LRP6: variants seen among roughly 807,000 people sequenced by gnomAD.
The protein encoded by LRP6 is low-density lipoprotein receptor-related protein 6.
A neutral mutation model predicts 184.1 loss-of-function variants in LRP6; 43 were observed. The observed-to-expected ratio is 0.23, with a 90% CI of 0.18 to 0.30. LRP6 has a LOEUF of 0.30. Ranked by LOEUF, LRP6 falls within the 10% of genes least tolerant of loss-of-function variation. The pLI, the probability that LRP6 is intolerant of heterozygous loss-of-function variation, is 1.00. For missense variants in LRP6, 1,571 were observed against 2,005.3 expected (o/e 0.78, Z 4.14); for synonymous variants, 719 against 684.9 (o/e 1.05, Z -0.78).
chr12:12,201,292 A>C (rs1407960331), intron 3 of LRP6, among the ~76,000 whole-genome samples: 1 of 152,004 alleles, frequency 6.6e-6, no homozygotes, highest in Non-Finnish European at 1.5e-5. Flanking sequence ...CTGGATGAGC[A>C]CTCTGGCAGG....
Position 12,147,478 on chromosome 12 carries a change from G to A in LRP6, c.3285C>T (p.Val1095=), listed in dbSNP as rs1950025732. The A allele has an allele frequency of 6.2e-7, 1 of 1,614,084 alleles. No individual in the cohort carries two copies. The highest frequency in any genetic ancestry group is 2.2e-5 in the East Asian group (1 of 44,876). The change falls in exon 15 of 23, where the codon GTC becomes GTT. Residue 1095 remains valine (V), a synonymous_variant. Coordinates refer to ENST00000261349, the MANE Select transcript of LRP6 (RefSeq NM_002336.3). ...RAALDGTERE[V]LFFSGLSKPI... is the part of the protein sequence containing the mutation. ...GTTTACTTAAGCCACTGAAAAAGAG[G>A]ACCTCCCGTTCTGTCCCATCCAAAG... is the stretch of plus-strand genomic sequence containing the variant.
At chr12:12,213,950 GAC>G (rs1864276699) in intron 2 of LRP6, among the ~76,000 whole-genome samples, 1 of 152,064 alleles carries the variant, frequency 6.6e-6, no homozygotes, top group Non-Finnish European at 1.5e-5. Flanking sequence ...ATTAAAGTAA[GAC>G]ACTTTATATA....
intron 2 of LRP6, among the ~76,000 whole-genome samples, chr12:12,226,930 C>T (rs953263245): frequency 1.3e-5 from 2 of 151,966 alleles, no homozygotes; most frequent in African/African-American, 2.4e-5. Flanking sequence ...ACCACAGATC[C>T]AGTCAGCTCA....
At chr12:12,150,543 A>G (rs1277639520) in intron 13 of LRP6, among the ~76,000 whole-genome samples, 1 of 152,196 alleles carries the variant, frequency 6.6e-6, no homozygotes, top group Non-Finnish European at 1.5e-5. Context: ...TACTCCATAC[A>G]ATAGAAATGT....
chr12:12,237,762 C>T (rs921195914), intron 2 of LRP6, among the ~76,000 whole-genome samples: 3 of 152,162 alleles, frequency 2.0e-5, no homozygotes, highest in African/African-American at 7.2e-5. Flanking sequence ...CAAAAATGTC[C>T]AGGTTATGAA....
At chr12:12,167,554 A>G (rs1231746539) in intron 7 of LRP6, among the ~76,000 whole-genome samples, 3 of 151,878 alleles carry the variant, frequency 2.0e-5, no homozygotes, top group African/African-American at 7.3e-5. Flanking sequence ...GAGGCAGGAG[A>G]ATCGCTTGAA....
intron 7 of LRP6, among the ~76,000 whole-genome samples, chr12:12,170,791 TCACACA>T (rs10571241): frequency 0.1 from 14,499 of 142,760 alleles, 1,273 homozygotes; most frequent in African/African-American, 0.24. Context: ...TAAAATTACT[TCACACA>T]CACACACACA....
At chr12:12,155,180 T>C (rs771679374) in intron 12 of LRP6, 1 of 545,538 alleles carries the variant, frequency 1.8e-6, no homozygotes, top group African/African-American at 1.9e-5. Context: ...TGGGTGACAG[T>C]GTGAGACTCT....
intron 7 of LRP6, among the ~76,000 whole-genome samples, chr12:12,169,234 G>GATAATAATAATAATAATA (rs544964479): frequency 9.4e-5 from 14 of 148,702 alleles, no homozygotes; most frequent in Non-Finnish European, 1.8e-4. Context: ...GCCTCAAAAT[G>GATAATAATAATAATAATA]ATAATAATAA....
In LRP6 at chr12:12,244,219, G is replaced by A. The variant is rs781179063; in HGVS notation, c.449+43C>T. ...TGGTGTATGTCAGTGGAGAAAAACC[G>A]AAAGGAGGTATGATGATCTTCGTAC... On this transcript the variant is annotated intron_variant, in intron 2 of 22. Transcript: ENST00000261349. 48 of 1,608,258 alleles carry A rather than the reference G, an allele frequency of 3.0e-5. No individual in the cohort carries two copies. In the Admixed American group the frequency reaches 5.8e-4, roughly 20 times the overall value.
intron 2 of LRP6, among the ~76,000 whole-genome samples, chr12:12,215,398 A>C (rs1864315457): frequency 6.6e-6 from 1 of 152,080 alleles, no homozygotes; most frequent in South Asian, 2.1e-4. Context: ...TAATGGCCTT[A>C]ATCAGTAAGG....
At chr12:12,160,441 A>T (rs1473533789) in intron 10 of LRP6, among the ~76,000 whole-genome samples, 1 of 152,218 alleles carries the variant, frequency 6.6e-6, no homozygotes, top group African/African-American at 2.4e-5. Context: ...GCAGAAGTAC[A>T]TGAAAGGTAA....
rs765444240 is a variant in LRP6, at chr12:12,133,845, T to TTGGG, written c.3733+1329_3733+1330insCCCA. 1.8e-3 allele frequency among the ~76,000 whole-genome samples: 70 copies of TTGGG among 39,968 alleles called. 15 individuals are homozygous for TTGGG. Among genetic ancestry groups the TTGGG allele is most frequent in the Non-Finnish European group, 2.7e-3 (55 of 20,228 alleles). 26.2% of individuals were successfully genotyped at this position (39,968 alleles called of 152,430 possible). Reference sequence around the variant, plus strand: ...TGATAGGGAAACACATGCTATTTTTTGGGGGGGGGGGGGGGGGAGGGTAAA... The same window carrying TTGGG: ...TGATAGGGAAACACATGCTATTTTTTTGGGGGGGGGGGGGGGGGGGGAGGGTAAA... On this transcript the variant is annotated intron_variant, in intron 17 of 22. Transcript: ENST00000261349.
intron 1 of LRP6, chr12:12,249,134 A>G: frequency 1.4e-6 from 1 of 708,360 alleles, no homozygotes; most frequent in Admixed American, 2.0e-5. Flanking sequence ...CAAGACGTAC[A>G]GGGATGATAA....
chr12:12,180,928 A>T, intron 6 of LRP6, 115 bp downstream of exon 6: 1 of 1,080,334 alleles, frequency 9.3e-7, no homozygotes, highest in Non-Finnish European at 1.4e-6. Context: ...GACAGCCATT[A>T]AAGAGCTGTT....
chr12:12,244,155 T>C (rs1162156285), intron 2 of LRP6, 107 bp downstream of exon 2: 3 of 1,096,694 alleles, frequency 2.7e-6, no homozygotes, highest in Non-Finnish European at 1.4e-6. Flanking sequence ...GAATCTAAAA[T>C]TCCTGTTTTC....
At chr12:12,144,190 A>G (rs1190097427) in intron 15 of LRP6, among the ~76,000 whole-genome samples, 3 of 152,226 alleles carry the variant, frequency 2.0e-5, no homozygotes, top group Non-Finnish European at 4.4e-5. Flanking sequence ...CCTATACAAC[A>G]ATAAACTTTC....
chr12:12,135,932 C>T (rs1414399350), intron 16 of LRP6, among the ~76,000 whole-genome samples: 5 of 151,904 alleles, frequency 3.3e-5, no homozygotes, highest in African/African-American at 9.7e-5. Context: ...CGCCTGTAAT[C>T]CTAGCACTTT....
At chr12:12,218,531 T>A (rs558711307) in intron 2 of LRP6, among the ~76,000 whole-genome samples, 1 of 150,784 alleles carries the variant, frequency 6.6e-6, no homozygotes, top group South Asian at 2.1e-4. Flanking sequence ...TATACAATTT[T>A]AAAATAGGTA....
Sources: allele counts gnomAD v4.1 joint callset (sites outside exome capture counted in the v4.1 genomes callset), GRCh38; gene constraint gnomAD v4.1.1; transcripts MANE v1.5; gene names NCBI Gene and HGNC (gene_info 2026-07-23, HGNC 2026-07-21).